TCERG1L: variants seen among roughly 807,000 people sequenced by gnomAD.
TCERG1L encodes the protein transcription elongation regulator 1-like protein.
A neutral mutation model predicts 56.3 loss-of-function variants in TCERG1L; 37 were observed. That is an observed-to-expected ratio of 0.66 (90% CI 0.51 to 0.87). TCERG1L has a LOEUF of 0.87. Ranked by LOEUF, TCERG1L falls within the 40% of genes least tolerant of loss-of-function variation. The pLI is 0.00. For synonymous variants in TCERG1L, 324 were observed against 326.3 expected, an observed-to-expected ratio of 0.99 and a Z score of 0.08; for missense variants, 799 against 774.2, an observed-to-expected ratio of 1.03 and a Z score of -0.38.
At chr10:131,198,334 C>A (rs1397070744) in intron 4 of TCERG1L, among the ~76,000 whole-genome samples, 1 of 152,280 alleles carries the variant, frequency 6.6e-6, no homozygotes, top group Non-Finnish European at 1.5e-5. Context: ...GCTCTTCACG[C>A]TTCAAACCAG....
At chr10:131,109,022 C>T (rs1174609041) in intron 9 of TCERG1L, among the ~76,000 whole-genome samples, 2 of 152,014 alleles carry the variant, frequency 1.3e-5, no homozygotes, top group South Asian at 2.1e-4. Flanking sequence ...GACATGGGCC[C>T]CGTCCACGCT....
In TCERG1L at chr10:131,217,706, C is replaced by T. The variant is rs565653031; in HGVS notation, c.856+42553G>A. Among the ~76,000 whole-genome samples, 1,167 of 133,456 alleles carry T rather than the reference C, an allele frequency of 8.7e-3. 13 individuals are homozygous for T. Among genetic ancestry groups the T allele is most frequent in the African/African-American group, 0.025 (899 of 36,296 alleles). The allele number at this position is 133,456 out of a possible 152,430, so 87.6% of individuals were successfully genotyped here. A position where few individuals can be genotyped will look rare whatever the true frequency, so the allele number is the denominator to read the frequency against. The stretch of plus-strand genomic sequence containing the variant: ...TCAATCTGACCCTACACAGTAGCTG[C>T]CCTTTTTTTTTTTTTTTTTTTTTTT... On this transcript the variant is annotated intron_variant, in intron 4 of 11. Transcript: ENST00000368642.
chr10:131,119,345 T>C (rs59811094), intron 8 of TCERG1L, among the ~76,000 whole-genome samples: 32 of 152,354 alleles, frequency 2.1e-4, no homozygotes, highest in African/African-American at 7.5e-4. Flanking sequence ...GAGAACTGTA[T>C]TTATAGACCC....
intron 6 of TCERG1L, among the ~76,000 whole-genome samples, chr10:131,152,080 T>C (rs1463141361): frequency 6.6e-6 from 1 of 152,234 alleles, no homozygotes; most frequent in Non-Finnish European, 1.5e-5. Context: ...TGAAGCTCTC[T>C]GACATACTCT....
chr10:131,177,013 C>T (rs1269014838), intron 4 of TCERG1L, among the ~76,000 whole-genome samples: 1 of 145,038 alleles, frequency 6.9e-6, no homozygotes, highest in Non-Finnish European at 1.5e-5. Flanking sequence ...GACACATGCA[C>T]ACACAGATAC....
chr10:131,256,975 AGG>A, intron 4 of TCERG1L, among the ~76,000 whole-genome samples: 2 of 74,452 alleles, frequency 2.7e-5, no homozygotes, highest in African/African-American at 4.7e-5. Flanking sequence ...GAAGGAAGGA[AGG>A]AAGGAAGGAA....
intron 4 of TCERG1L, among the ~76,000 whole-genome samples, chr10:131,241,683 G>C (rs1005382480): frequency 8.6e-5 from 13 of 151,896 alleles, no homozygotes; most frequent in Admixed American, 8.5e-4. Context: ...AGTGGATAGC[G>C]TAATATAAAA....
chr10:131,210,845 A>C (rs777301540), intron 4 of TCERG1L, among the ~76,000 whole-genome samples: 14 of 152,244 alleles, frequency 9.2e-5, no homozygotes, highest in Non-Finnish European at 1.8e-4. Context: ...TGGGAGCAAC[A>C]GTACACAGTT....
chr10:131,240,749 A>T (rs1845963054), intron 4 of TCERG1L, among the ~76,000 whole-genome samples: 1 of 152,162 alleles, frequency 6.6e-6, no homozygotes, highest in Non-Finnish European at 1.5e-5. Flanking sequence ...TGAATTATGG[A>T]TCCAGGAAAA....
chr10:131,098,438 T>C lies in TCERG1L; in HGVS notation c.1486-14A>G. ...CTGTTCAAATATCTTAAAACACAGATACAGAAGAAAAACATCATGAAATTG... is the reference window on the plus strand; with the variant it reads ...CTGTTCAAATATCTTAAAACACAGACACAGAAGAAAAACATCATGAAATTG... On this transcript the variant is annotated splice_polypyrimidine_tract_variant and intron_variant, in intron 10 of 11. Coordinates refer to ENST00000368642, the MANE Select transcript of TCERG1L (RefSeq NM_174937.4). The C allele has an allele frequency of 2.0e-6, 3 of 1,533,270 alleles. No individual in the cohort carries two copies. Among genetic ancestry groups the C allele is most frequent in the Non-Finnish European group, 2.6e-6 (3 of 1,143,474 alleles). 95.0% of individuals were successfully genotyped at this position (1,533,270 alleles called of 1,614,324 possible). A position where few individuals can be genotyped will look rare whatever the true frequency, so the allele number is the denominator to read the frequency against.
At chr10:131,233,898 C>G (rs1228181125) in intron 4 of TCERG1L, among the ~76,000 whole-genome samples, 4 of 152,156 alleles carry the variant, frequency 2.6e-5, no homozygotes, top group African/African-American at 9.7e-5. Context: ...CATTCTCGCT[C>G]TGGACAGACT....
intron 4 of TCERG1L, among the ~76,000 whole-genome samples, chr10:131,203,747 C>A (rs1207609776): frequency 6.6e-6 from 1 of 152,200 alleles, no homozygotes; most frequent in South Asian, 2.1e-4. Context: ...CTGCTCACAT[C>A]CCGCCGGCGA....
At chr10:131,241,154 G>A (rs1054703031) in intron 4 of TCERG1L, among the ~76,000 whole-genome samples, 1 of 150,368 alleles carries the variant, frequency 6.7e-6, no homozygotes, top group African/African-American at 2.4e-5. Context: ...TGGATCCGGA[G>A]AGTGGAGGAG....
At chr10:131,155,586 C>T (rs1041995615) in intron 6 of TCERG1L, among the ~76,000 whole-genome samples, 1 of 152,220 alleles carries the variant, frequency 6.6e-6, no homozygotes, top group African/African-American at 2.4e-5. Flanking sequence ...AGCAGTGTCC[C>T]AGCTTTCCTC....
chr10:131,130,928 T>A (rs1845611844), intron 8 of TCERG1L, among the ~76,000 whole-genome samples: 1 of 152,028 alleles, frequency 6.6e-6, no homozygotes, highest in South Asian at 2.1e-4. Flanking sequence ...CAAACCCTAA[T>A]GACACCATAA....
In TCERG1L at chr10:131,116,845, A is replaced by G; in HGVS notation, c.1349T>C (p.Leu450Pro). The G allele has an allele frequency of 6.3e-7, 1 of 1,581,702 alleles. No homozygotes were observed. The change falls in exon 9 of 12, where the codon CTG (leucine) becomes CCG (proline). Residue 450 changes from leucine to proline, a missense_variant. Physicochemically the swap from Leu to Pro is moderately conservative, Grantham distance 98 (BLOSUM62 -3). Coordinates refer to ENST00000368642, the MANE Select transcript of TCERG1L (RefSeq NM_174937.4). ...TCGGAAGTGGGTCACACGCTCCTCC[A>G]GAGGCAGGAGGATCTGCGGGGGCGG... ...RTPPPQILLP[L>P]EERVTHFRDM...
intron 3 of TCERG1L, among the ~76,000 whole-genome samples, chr10:131,263,200 T>A (rs1240703839): frequency 1.3e-5 from 2 of 152,132 alleles, no homozygotes; most frequent in African/African-American, 2.4e-5. Context: ...TCAATCTGCA[T>A]TTAGTGATGT....
At chr10:131,234,115 T>C (rs1338778513) in intron 4 of TCERG1L, among the ~76,000 whole-genome samples, 1 of 152,238 alleles carries the variant, frequency 6.6e-6, no homozygotes, top group African/African-American at 2.4e-5. Flanking sequence ...CCATTTCCTT[T>C]ATCAGTTACC....
At chr10:131,273,997 G>A (rs1411811361) in intron 3 of TCERG1L, among the ~76,000 whole-genome samples, 1 of 152,152 alleles carries the variant, frequency 6.6e-6, no homozygotes, top group Non-Finnish European at 1.5e-5. Flanking sequence ...TGCTTGCTCA[G>A]GTCTGTTTTC....
Sources: allele counts gnomAD v4.1 joint callset (sites outside exome capture counted in the v4.1 genomes callset), GRCh38; gene constraint gnomAD v4.1.1; transcripts MANE v1.5; gene names NCBI Gene and HGNC (gene_info 2026-07-23, HGNC 2026-07-21).